Variants in CHFR observed in about 807,000 individuals in gnomAD.
CHFR encodes the protein checkpoint with forkhead and ring finger domains, also known as E3 ubiquitin-protein ligase CHFR.
In CHFR, 57 loss-of-function variants were observed where a neutral mutation model predicts 87.6. That is an observed-to-expected ratio of 0.65 (90% CI 0.53 to 0.81). CHFR has a LOEUF of 0.81. CHFR is among the 30% of genes least tolerant of loss of function. The pLI, the probability that CHFR is intolerant of heterozygous loss-of-function variation, is 0.00. For missense variants in CHFR, 797 were observed against 865.8 expected, an observed-to-expected ratio of 0.92 and a Z score of 1.00; for synonymous variants, 381 against 359.2, an observed-to-expected ratio of 1.06 and a Z score of -0.69.
chr12:132,880,226 A>T (rs1951734736), intron 2 of CHFR, among the ~76,000 whole-genome samples: 1 of 152,222 alleles, frequency 6.6e-6, no homozygotes, highest in African/African-American at 2.4e-5. Flanking sequence ...ACAAATGTAA[A>T]ATCTAAAACT....
At chr12:132,843,319 G>C (rs1950741669) in intron 16 of CHFR, among the ~76,000 whole-genome samples, 1 of 152,060 alleles carries the variant, frequency 6.6e-6, no homozygotes, top group South Asian at 2.1e-4. Flanking sequence ...CCAGCACTTT[G>C]GGAGGCAGAG....
At chr12:132,879,395 CTTT>C (rs1186711276) in intron 2 of CHFR, among the ~76,000 whole-genome samples, 3 of 134,176 alleles carry the variant, frequency 2.2e-5, no homozygotes, top group Admixed American at 7.4e-5. Flanking sequence ...TTTTTTTTTT[CTTT>C]TTTTTTTTTT....
rs1950950768 is a variant in CHFR at position 132,851,735 on chromosome 12, C to A, written c.1375G>T (p.Val459Phe). ...TGCAGAGGGCACACGTAATCCTGGA[C>A]TGCTGAAGCACACGCACATTCAGCC... Reference protein sequence around the residue: ...PSTSVSLTTAVQDYVCPLQGS... With the variant: ...PSTSVSLTTAFQDYVCPLQGS... Residue 459 changes from valine to phenylalanine, a missense_variant and splice_region_variant, in exon 12 of 18, where the codon GTC becomes TTC. By Grantham distance (50) the Val-to-Phe change is conservative. Coordinates refer to ENST00000450056, the MANE Select transcript of CHFR (RefSeq NM_001161346.2). 5.6e-6 allele frequency: 9 copies of A among 1,611,352 alleles called. No homozygotes were observed. Among genetic ancestry groups the A allele is most frequent in the South Asian group, 3.3e-5 (3 of 90,932 alleles).
At position 132,861,626 on chromosome 12, in the gene CHFR, C is replaced by T. The variant is rs1438318944; in HGVS notation, c.592G>A (p.Gly198Ser). The change falls in exon 7 of 18, where the codon GGT (glycine) becomes AGT (serine). Residue 198 changes from glycine (G) to serine (S), a missense_variant. Physicochemically the swap from Gly to Ser is moderately conservative, Grantham distance 56. Transcript: ENST00000450056. ...CTTCCTTTAGGGGAGATGCCACCAC[C>T]CCCAGACCCTGTGAGAGGAATCAAA... ...RERSSSCGSG[G>S]GGISPKGSGP... 6.2e-7 allele frequency: 1 copy of T among 1,613,962 alleles called. No homozygotes were observed. The highest frequency in any genetic ancestry group is 1.3e-5 in the African/African-American group (1 of 74,942).
At chr12:132,850,783 G>T (rs1218176159) in intron 12 of CHFR, among the ~76,000 whole-genome samples, 1 of 152,044 alleles carries the variant, frequency 6.6e-6, no homozygotes, top group South Asian at 2.1e-4. Context: ...GGAGCCAACC[G>T]CGGTGCTCAA....
intron 2 of CHFR, among the ~76,000 whole-genome samples, chr12:132,878,450 C>G (rs1951682315): frequency 6.8e-6 from 1 of 147,884 alleles, no homozygotes; most frequent in Non-Finnish European, 1.5e-5. Flanking sequence ...GCCTTGGCGA[C>G]AGAGCTAGAC....
chr12:132,867,754 T>C (rs1951377724), intron 6 of CHFR: 1 of 152,038 alleles, frequency 6.6e-6, no homozygotes, highest in South Asian at 2.1e-4. Context: ...ACTCCAGGAC[T>C]AAGAATGAGC....
At chr12:132,850,659 G>C (rs981526245) in intron 12 of CHFR, among the ~76,000 whole-genome samples, 1 of 152,160 alleles carries the variant, frequency 6.6e-6, no homozygotes, top group Non-Finnish European at 1.5e-5. Context: ...TAACCTGTTT[G>C]GTTTCCTGAG....
intron 7 of CHFR, 28 bp from the exon 8 acceptor site, chr12:132,859,255 G>A (rs201512224): frequency 1.9e-4 from 298 of 1,594,218 alleles, no homozygotes; most frequent in Admixed American, 9.8e-4. Flanking sequence ...GTGTTCTGTC[G>A]TAACCAAGAA....
chr12:132,880,801 C>T (rs1169005453), intron 2 of CHFR, among the ~76,000 whole-genome samples: 1 of 150,846 alleles, frequency 6.6e-6, no homozygotes, highest in Non-Finnish European at 1.5e-5. Flanking sequence ...CCAGTCTCTA[C>T]TAAAAATACA....
At position 132,853,457 on chromosome 12, in the gene CHFR, G is replaced by A; in HGVS notation, c.1346C>T (p.Pro449Leu). Residue 449 changes from proline (P) to leucine (L), a missense_variant, in exon 11 of 18, where the codon CCC becomes CTC. Physicochemically the swap from Pro to Leu is moderately conservative, Grantham distance 98. Around this residue, in one of 2 missense-constraint regions of CHFR, gnomAD observed 597 missense variants for 601.2 expected, o/e 0.99. Transcript: ENST00000450056. ...TGTCGTCAGGCTGACGGACGTGGAG[G>A]GTGCATCCCCCAGGGCCTGTGGGGC... Reference protein sequence around the residue: ...PGAPQALGDAPSTSVSLTTAV... With the variant: ...PGAPQALGDALSTSVSLTTAV... 4.6e-6 allele frequency: 7 copies of A among 1,535,014 alleles called. No homozygotes were observed. The highest frequency in any genetic ancestry group is 6.1e-6 in the Non-Finnish European group (7 of 1,150,024).
intron 3 of CHFR, among the ~76,000 whole-genome samples, chr12:132,874,122 C>A (rs1222511220): frequency 1.3e-5 from 2 of 152,256 alleles, no homozygotes; most frequent in Non-Finnish European, 2.9e-5. Context: ...CCTGTTCAGA[C>A]CTGGATTTTA....
chr12:132,837,008 G>C lies in CHFR; in HGVS notation c.*4546C>G, dbSNP rs552173468. On this transcript the variant is annotated 3_prime_UTR_variant, in exon 18 of 18. Transcript: ENST00000450056. ...CTGGGGGGAAACTAGACTGGCTGGC[G>C]GGGTGGGGGCAGCCCTGCAGGAGCT... 2 of 355,154 alleles carry C rather than the reference G, an allele frequency of 5.6e-6. No individual in the cohort carries two copies. Among genetic ancestry groups the C allele is most frequent in the South Asian group, 4.2e-5 (2 of 47,498 alleles). The allele number at this position is 355,154 out of a possible 1,614,324, so 22.0% of individuals were successfully genotyped here. A position where few individuals can be genotyped will look rare whatever the true frequency, so the allele number is the denominator to read the frequency against.
chr12:132,849,847 C>T (rs1950901975), intron 12 of CHFR: 1 of 152,240 alleles, frequency 6.6e-6, no homozygotes, highest in African/African-American at 2.4e-5. Context: ...GCCTTGGCCT[C>T]CCAAAGTGCT....
intron 17 of CHFR, among the ~76,000 whole-genome samples, chr12:132,842,173 A>G (rs1347614380): frequency 6.6e-6 from 1 of 151,778 alleles, no homozygotes; most frequent in Non-Finnish European, 1.5e-5. Flanking sequence ...AGAGAATAAA[A>G]GCTGCACCTC....
chr12:132,841,517 C>T lies in CHFR; in HGVS notation c.*37G>A, dbSNP rs750955936. The T allele has an allele frequency of 1.3e-6, 2 of 1,568,726 alleles. No homozygotes were observed. Among genetic ancestry groups the T allele is most frequent in the East Asian group, 2.2e-5 (1 of 44,690 alleles). ...GTATTTTAAAAACACGCTCTCTTCA[C>T]CTCCAGTGCTGAAAGCTGCTCAGGG... On this transcript the variant is annotated 3_prime_UTR_variant, in exon 18 of 18. Coordinates refer to ENST00000450056, the MANE Select transcript of CHFR (RefSeq NM_001161346.2).
At chr12:132,868,209 C>T (rs868075699) in intron 6 of CHFR, among the ~76,000 whole-genome samples, 1 of 152,192 alleles carries the variant, frequency 6.6e-6, no homozygotes, top group African/African-American at 2.4e-5. Flanking sequence ...AGCCCAGTCA[C>T]GGCTGGGCGC....
intron 6 of CHFR, among the ~76,000 whole-genome samples, chr12:132,863,673 G>A (rs1951267768): frequency 6.6e-6 from 1 of 152,210 alleles, no homozygotes; most frequent in South Asian, 2.1e-4. Flanking sequence ...ACAGTGACTT[G>A]TAGGGAGAGC....
At chr12:132,864,768 G>C (rs529598415) in intron 6 of CHFR, among the ~76,000 whole-genome samples, 1 of 152,126 alleles carries the variant, frequency 6.6e-6, no homozygotes, top group Non-Finnish European at 1.5e-5. Context: ...GATTACAGGC[G>C]TAAGCCACCA....
Sources: gnomAD v4.1 joint callset for allele counts (sites outside exome capture counted in the v4.1 genomes callset) on GRCh38, gnomAD v4.1.1 for gene constraint, gnomAD v4.1.1 regional missense constraint, MANE v1.5 for transcripts, NCBI Gene and HGNC (gene_info 2026-07-23, HGNC 2026-07-21) for gene names.